Variants in SLC17A2 observed in about 807,000 individuals in gnomAD.
SLC17A2 encodes sodium-dependent phosphate transport protein 3.
In SLC17A2, 38 loss-of-function variants were observed where a neutral mutation model predicts 52.1. That is an observed-to-expected ratio of 0.73 (90% CI 0.56 to 0.96). SLC17A2 has a LOEUF of 0.96. SLC17A2 is among the 40% of genes least tolerant of loss of function. The probability of loss-of-function intolerance (pLI) is 0.00; values close to 1 mark genes in which losing one functional copy is unlikely to be tolerated. For missense variants in SLC17A2, 508 were observed against 583.9 expected (o/e 0.87, Z 1.34); for synonymous variants, 226 against 211.9 (o/e 1.07, Z -0.58).
At chr6:25,915,455 C>A in intron 10 of SLC17A2, 44 bp downstream of exon 10, 1 of 1,525,188 alleles carries the variant, frequency 6.6e-7, no homozygotes, top group Admixed American at 2.0e-5. Flanking sequence ...TCTAACACCT[C>A]TGGAGGGGTC....
chr6:25,929,057 A>G (rs1766862429), intron 1 of SLC17A2, among the ~76,000 whole-genome samples: 2 of 152,172 alleles, frequency 1.3e-5, no homozygotes, highest in South Asian at 4.1e-4. Flanking sequence ...ATTTTATTAT[A>G]ATGGTCGTTA....
chr6:25,913,117 G>A lies in SLC17A2; in HGVS notation c.*200C>T. Reference sequence around the variant, plus strand: ...GAGTATCTAAAAATTAGTAGTATCTGGGTTCCACCCCAGACCAATTCATTC... The same window carrying A: ...GAGTATCTAAAAATTAGTAGTATCTAGGTTCCACCCCAGACCAATTCATTC... On this transcript the variant is annotated 3_prime_UTR_variant, in exon 12 of 12. Coordinates refer to ENST00000377850, the MANE Select transcript of SLC17A2 (RefSeq NM_001286123.3). The A allele has an allele frequency of 1.8e-6, 1 of 557,880 alleles. No individual in the cohort carries two copies. Among genetic ancestry groups the A allele is most frequent in the Non-Finnish European group, 3.2e-6 (1 of 312,520 alleles). The allele number at this position is 557,880 out of a possible 1,614,324, so 34.6% of individuals were successfully genotyped here.
At chr6:25,919,851 C>T (rs1766486272) in intron 5 of SLC17A2, among the ~76,000 whole-genome samples, 1 of 151,784 alleles carries the variant, frequency 6.6e-6, no homozygotes, top group Non-Finnish European at 1.5e-5. Context: ...AAGTGCAGTG[C>T]AGATCTATGT....
intron 6 of SLC17A2, 48 bp downstream of exon 6, chr6:25,918,439 G>T: frequency 7.7e-7 from 1 of 1,293,678 alleles, no homozygotes; most frequent in Non-Finnish European, 1.1e-6. Context: ...GTGCCAAAAT[G>T]GATGCTCAGG....
chr6:25,920,824 C>G (rs1766523056), intron 5 of SLC17A2, among the ~76,000 whole-genome samples, 182 bp downstream of exon 5: 1 of 152,206 alleles, frequency 6.6e-6, no homozygotes, highest in Non-Finnish European at 1.5e-5. Flanking sequence ...TTTTCTACTT[C>G]TAAGCTTCAA....
intron 3 of SLC17A2, among the ~76,000 whole-genome samples, chr6:25,922,963 A>G (rs893788001): frequency 3.3e-5 from 5 of 152,138 alleles, no homozygotes; most frequent in Admixed American, 3.3e-4. Flanking sequence ...TGGGAGGCCG[A>G]GGCGGGTGGA....
intron 8 of SLC17A2, 55 bp from the exon 9 acceptor site, chr6:25,915,923 T>C (rs1766295112): frequency 1.3e-6 from 2 of 1,569,710 alleles, no homozygotes; most frequent in South Asian, 2.3e-5. Context: ...GCACCAAAAT[T>C]TGTCAGTTAC....
At chr6:25,925,406 G>C (rs6931120) in intron 2 of SLC17A2, among the ~76,000 whole-genome samples, 1 of 151,532 alleles carries the variant, frequency 6.6e-6, no homozygotes, top group Non-Finnish European at 1.5e-5. Context: ...CAAGCTACTC[G>C]GGAGGCTGAG....
chr6:25,926,376 G>A (rs1766766028), intron 1 of SLC17A2, among the ~76,000 whole-genome samples: 1 of 152,108 alleles, frequency 6.6e-6, no homozygotes, highest in Non-Finnish European at 1.5e-5. Flanking sequence ...CATGAAGGAT[G>A]ACATTACATA....
At position 25,925,738 on chromosome 6, in the gene SLC17A2, C is replaced by T; in HGVS notation, c.28+31G>A. On this transcript the variant is annotated intron_variant, in intron 2 of 11. Coordinates refer to ENST00000377850, the MANE Select transcript of SLC17A2 (RefSeq NM_001286123.3). The stretch of plus-strand genomic sequence containing the variant: ...GTCGGAATAAGCTTCAGCTTATTAA[C>T]ATAGCCTGCAAACAAGAGCAGTGGC... 7 of 1,604,434 alleles carry T rather than the reference C, an allele frequency of 4.4e-6. 1 individual carries two copies. The South Asian group carries it at 7.7e-5, about 18-fold the overall frequency.
chr6:25,923,803 G>A lies in SLC17A2; in HGVS notation c.132C>T (p.Ala44=). The A allele has an allele frequency of 6.2e-7, 1 of 1,614,152 alleles. No individual in the cohort carries two copies. Among genetic ancestry groups the A allele is most frequent in the Non-Finnish European group, 8.5e-7 (1 of 1,179,994 alleles). ...QRVSLSIAII[A]MVNTTQQQGL... ...CTTGCTGCTGAGTGGTGTTCACCAT[G>A]GCGATGATCGCAATGCTCAGACTCA... Residue 44 remains alanine (A), a synonymous_variant, in exon 3 of 12, where the codon GCC becomes GCT. Transcript: ENST00000377850.
At chr6:25,919,565 T>C (rs1766461557) in intron 5 of SLC17A2, among the ~76,000 whole-genome samples, 2 of 151,410 alleles carry the variant, frequency 1.3e-5, no homozygotes, top group African/African-American at 2.4e-5. Context: ...CCGGTCATGG[T>C]GGCAGGCGCC....
At chr6:25,928,980 T>C (rs1308074599) in intron 1 of SLC17A2, among the ~76,000 whole-genome samples, 1 of 152,164 alleles carries the variant, frequency 6.6e-6, no homozygotes, top group African/African-American at 2.4e-5. Context: ...ATAAATAATG[T>C]AAATATTATG....
chr6:25,914,942 C>T lies in SLC17A2; in HGVS notation c.1212-272G>A, dbSNP rs151132117. ...TGGAGAAGCCAGTTTGTGCAACGGG[C>T]AGGACACAGACTCCAAAGCCAGACT... On this transcript the variant is annotated intron_variant, in intron 10 of 11. Transcript: ENST00000377850. 2.6e-3 allele frequency among the ~76,000 whole-genome samples: 399 copies of T among 151,704 alleles called. 3 individuals carry two copies. Among genetic ancestry groups the T allele is most frequent in the Middle Eastern group, 0.01 (3 of 294 alleles).
At chr6:25,916,221 C>A (rs1766312018) in intron 8 of SLC17A2, among the ~76,000 whole-genome samples, 1 of 152,142 alleles carries the variant, frequency 6.6e-6, no homozygotes, top group Non-Finnish European at 1.5e-5. Context: ...GCTGGGATTA[C>A]AGGTGCCTGC....
At chr6:25,914,433 T>C (rs1348803294) in intron 11 of SLC17A2, 147 bp downstream of exon 11, 2 of 621,524 alleles carry the variant, frequency 3.2e-6, no homozygotes, top group Non-Finnish European at 5.8e-6. Context: ...TTTCTTCCTC[T>C]GGGAAATCTG....
chr6:25,925,943 C>T (rs1236707354), intron 1 of SLC17A2, 64 bp from the exon 2 acceptor site: 9 of 833,780 alleles, frequency 1.1e-5, no homozygotes, highest in African/African-American at 3.3e-5. Flanking sequence ...ATGTTGCCTC[C>T]TCTTAGCATC....
chr6:25,920,791 C>T (rs1279778929), intron 5 of SLC17A2, among the ~76,000 whole-genome samples: 1 of 152,204 alleles, frequency 6.6e-6, no homozygotes, highest in Admixed American at 6.5e-5. Context: ...CTTTTCTGAG[C>T]TGAAACCTAG....
At chr6:25,917,255 G>C (rs1399701327) in intron 6 of SLC17A2, among the ~76,000 whole-genome samples, 168 bp from the exon 7 acceptor site, 1 of 152,162 alleles carries the variant, frequency 6.6e-6, no homozygotes, top group African/African-American at 2.4e-5. Context: ...CTACAAACCT[G>C]TTAAAGCTTT....
Sources: allele counts gnomAD v4.1 joint callset (sites outside exome capture counted in the v4.1 genomes callset), GRCh38; gene constraint gnomAD v4.1.1; transcripts MANE v1.5; gene names NCBI Gene and HGNC (gene_info 2026-07-23, HGNC 2026-07-21).